The following ZC3H18 variants were observed in gnomAD, a reference collection of about 807,000 sequenced individuals.
ZC3H18 encodes the protein zinc finger CCCH domain-containing protein 18.
Under a neutral mutation model 106.1 loss-of-function variants are expected in ZC3H18, and 8 were observed. The ratio of observed to expected loss-of-function variants is 0.08; its 90% CI spans 0.04 to 0.14. The LOEUF is 0.14. Among genes scored for constraint, ZC3H18 ranks in the 10% least tolerant of loss-of-function variants. ZC3H18 has a pLI of 1.00. For missense variants in ZC3H18, 1,318 were observed against 1,278.4 expected (o/e 1.03, Z -0.47); for synonymous variants, 635 against 522.1 (o/e 1.22, Z -2.95).
intron 9 of ZC3H18, 39 bp downstream of exon 9, chr16:88,622,427 T>C: frequency 1.3e-6 from 2 of 1,545,874 alleles, no homozygotes; most frequent in Non-Finnish European, 1.8e-6. Flanking sequence ...TGTCAGCACC[T>C]TGGAGCCGTC....
chr16:88,595,284 G>A (rs919086273), intron 3 of ZC3H18, among the ~76,000 whole-genome samples: 2 of 151,892 alleles, frequency 1.3e-5, no homozygotes, highest in Non-Finnish European at 2.9e-5. Context: ...GGCCGCCTCC[G>A]CCCCGCTCCA....
chr16:88,617,797 C>T (rs143555621), intron 8 of ZC3H18, among the ~76,000 whole-genome samples: 2 of 152,386 alleles, frequency 1.3e-5, no homozygotes, highest in East Asian at 3.9e-4. Flanking sequence ...GTCCGCACCC[C>T]TTTGGCGGCC....
At chr16:88,602,919 T>C (rs1036346261) in intron 6 of ZC3H18, among the ~76,000 whole-genome samples, 2 of 152,172 alleles carry the variant, frequency 1.3e-5, no homozygotes, top group African/African-American at 2.4e-5. Context: ...ATATGAGGAC[T>C]TTTCGAGAAG....
Position 88,585,486 on chromosome 16 carries a change from C to T in ZC3H18, c.604-1114C>T, listed in dbSNP as rs535179019. ...GGTTCAGCCAGGCAGGTGGTGGTGT[C>T]GTCAACACAAGGGTGCTCAGGTGTG... is the stretch of plus-strand genomic sequence containing the variant. On this transcript the variant is annotated intron_variant, in intron 2 of 17. Transcript: ENST00000301011. Among the ~76,000 whole-genome samples, 30 of 152,310 alleles carry T rather than the reference C, an allele frequency of 2.0e-4. 1 individual carries two copies. In the South Asian group the frequency reaches 3.1e-3, roughly 16 times the overall value.
chr16:88,594,496 G>A (rs999345288), intron 3 of ZC3H18, among the ~76,000 whole-genome samples: 1 of 152,160 alleles, frequency 6.6e-6, no homozygotes, highest in Non-Finnish European at 1.5e-5. Flanking sequence ...TTTAGTTTCC[G>A]GATTTTCCAT....
chr16:88,583,471 CTTTGCAGATCAGGTGACT>C (rs961018753), intron 2 of ZC3H18, among the ~76,000 whole-genome samples: 2 of 152,252 alleles, frequency 1.3e-5, no homozygotes, highest in Non-Finnish European at 2.9e-5. Context: ...GGAAGGCGAG[CTTTGCAGATCAGGTGACT>C]TTTGCAGATC....
intron 8 of ZC3H18, among the ~76,000 whole-genome samples, chr16:88,619,561 T>C (rs1905831464): frequency 6.6e-6 from 1 of 152,308 alleles, no homozygotes; most frequent in African/African-American, 2.4e-5. Context: ...TTCGGTATCA[T>C]TGTCTCCAGA....
intron 9 of ZC3H18, 66 bp from the exon 10 acceptor site, chr16:88,623,145 ATGTGTGCG>A: frequency 1.3e-6 from 2 of 1,560,170 alleles, no homozygotes; most frequent in Non-Finnish European, 1.7e-6. Flanking sequence ...GTAGCTGTGC[ATGTGTGCG>A]TCAGGGCGTG....
At chr16:88,586,293 G>C (rs545392526) in intron 2 of ZC3H18, among the ~76,000 whole-genome samples, 13 of 152,294 alleles carry the variant, frequency 8.5e-5, no homozygotes, top group African/African-American at 2.9e-4. Flanking sequence ...AAACCCCGAA[G>C]TGTTACTATT....
chr16:88,605,675 A>C (rs1352492406), intron 6 of ZC3H18, among the ~76,000 whole-genome samples: 1 of 152,248 alleles, frequency 6.6e-6, no homozygotes, highest in African/African-American at 2.4e-5. Flanking sequence ...AGTGTTAGAC[A>C]TTTTAGAACT....
At chr16:88,587,563 C>T in intron 3 of ZC3H18, 3 of 1,536,148 alleles carry the variant, frequency 2.0e-6, no homozygotes, top group Non-Finnish European at 2.6e-6. Flanking sequence ...CCATTATCCA[C>T]TCTTCTTCCA....
intron 16 of ZC3H18, chr16:88,630,283 C>T: frequency 1.9e-6 from 1 of 535,640 alleles, no homozygotes; most frequent in Non-Finnish European, 3.3e-6. Context: ...CAGGTTTGGC[C>T]TCAGCCTCAT....
rs1287252349 is a variant in ZC3H18 at position 88,631,504 on chromosome 16, GGACA to G, written c.*214_*217del. 33 of 718,934 alleles carry G rather than the reference GGACA, an allele frequency of 4.6e-5. No individual in the cohort carries two copies. Among genetic ancestry groups the G allele is most frequent in the Middle Eastern group, 2.3e-4 (1 of 4,262 alleles). 44.5% of individuals were successfully genotyped at this position (718,934 alleles called of 1,614,324 possible). On this transcript the variant is annotated 3_prime_UTR_variant, in exon 18 of 18. Transcript: ENST00000301011. ...CCCTCCCCAGAGCAGAAGTCCCGCAGGACAGACAGACACAGACAGCGCTAGTGAC... is the reference window on the plus strand; with the variant it reads ...CCCTCCCCAGAGCAGAAGTCCCGCAGGACAGACACAGACAGCGCTAGTGAC...
chr16:88,596,755 C>T (rs753975311), intron 3 of ZC3H18, among the ~76,000 whole-genome samples: 7 of 152,184 alleles, frequency 4.6e-5, no homozygotes, highest in Non-Finnish European at 8.8e-5. Flanking sequence ...TGTTTAGTTA[C>T]ACACGTGATT....
chr16:88,571,604 C>G lies in ZC3H18; in HGVS notation c.-15+1038C>G, dbSNP rs889892423. 21 of 985,388 alleles carry G rather than the reference C, an allele frequency of 2.1e-5. No homozygotes were observed. In the Admixed American group the frequency reaches 4.3e-4, roughly 20 times the overall value. 61.0% of individuals were successfully genotyped at this position (985,388 alleles called of 1,614,324 possible). A position where few individuals can be genotyped will look rare whatever the true frequency, so the allele number is the denominator to read the frequency against. ...GTGTCCCAAAGCCGGAAACTCCTCT[C>G]CCGTTGTAGGTGGGACATGCTGAAA... On this transcript the variant is annotated intron_variant, in intron 1 of 17. Transcript: ENST00000301011.
intron 8 of ZC3H18, among the ~76,000 whole-genome samples, chr16:88,621,404 T>C (rs892723799): frequency 3.3e-5 from 5 of 152,124 alleles, no homozygotes; most frequent in African/African-American, 1.2e-4. Flanking sequence ...TTATATATTT[T>C]TAGTAGAGAT....
intron 1 of ZC3H18, among the ~76,000 whole-genome samples, chr16:88,572,750 T>A (rs181926324): frequency 6.6e-6 from 1 of 151,576 alleles, no homozygotes; most frequent in Non-Finnish European, 1.5e-5. Context: ...CACGTTTCCC[T>A]TCGTAGCACC....
intron 2 of ZC3H18, among the ~76,000 whole-genome samples, chr16:88,585,033 T>C (rs1229115201): frequency 6.6e-6 from 1 of 152,248 alleles, no homozygotes; most frequent in African/African-American, 2.4e-5. Flanking sequence ...GATTTTAGTG[T>C]GGTGCTCATT....
At chr16:88,573,849 G>A (rs1326043189) in intron 1 of ZC3H18, among the ~76,000 whole-genome samples, 1 of 151,924 alleles carries the variant, frequency 6.6e-6, no homozygotes, top group African/African-American at 2.4e-5. Flanking sequence ...TGGTTGGTTT[G>A]TAAATCTATG....
Sources: gnomAD v4.1 joint callset for allele counts (sites outside exome capture counted in the v4.1 genomes callset) on GRCh38, gnomAD v4.1.1 for gene constraint, MANE v1.5 for transcripts, NCBI Gene and HGNC (gene_info 2026-07-23, HGNC 2026-07-21) for gene names.